Variants in MLYCD observed in about 807,000 individuals in gnomAD.
MLYCD encodes the protein malonyl-CoA decarboxylase, mitochondrial.
MLYCD carries 27 observed loss-of-function variants against 35.8 expected under a neutral mutation model. That is an observed-to-expected ratio of 0.75 (90% CI 0.56 to 1.04). The LOEUF (loss-of-function observed/expected upper bound fraction) is 1.04, where lower values mean the gene tolerates loss of function less well. MLYCD is among the 50% of genes least tolerant of loss of function. The pLI is 0.00. For synonymous variants in MLYCD, 403 were observed against 302.4 expected (o/e 1.33, Z -3.45); for missense variants, 917 against 665.1 (o/e 1.38, Z -4.17).
rs572241436 is a variant in MLYCD at position 83,909,510 on chromosome 16, T to C, written c.798+1228T>C. On this transcript the variant is annotated intron_variant, in intron 3 of 4. Transcript: ENST00000262430. ...GTAGCATGGGTATGGTGTGGTCTTATGAATAATATTAATAATATCTGTTGA... is the reference window on the plus strand; with the variant it reads ...GTAGCATGGGTATGGTGTGGTCTTACGAATAATATTAATAATATCTGTTGA... 6.6e-4 allele frequency among the ~76,000 whole-genome samples: 101 copies of C among 152,306 alleles called. 1 individual carries two copies. Among genetic ancestry groups the C allele is most frequent in the African/African-American group, 1.3e-3 (54 of 41,556 alleles).
At chr16:83,909,616 T>G (rs202214092) in intron 3 of MLYCD, among the ~76,000 whole-genome samples, 10,870 of 149,240 alleles carry the variant, frequency 0.073, 486 homozygotes, top group East Asian at 0.11. Flanking sequence ...GGTGGTGGTG[T>G]TGTGTTTTTT....
chr16:83,901,356 C>T (rs975217487), intron 1 of MLYCD, among the ~76,000 whole-genome samples: 2 of 152,210 alleles, frequency 1.3e-5, no homozygotes, highest in African/African-American at 2.4e-5. Context: ...AAATTTCTTG[C>T]ATAGCAGAAT....
chr16:83,912,489 G>T, intron 4 of MLYCD, 122 bp downstream of exon 4: 1 of 1,389,468 alleles, frequency 7.2e-7, no homozygotes, highest in Non-Finnish European at 1.0e-6. Context: ...GGGAGGGGCA[G>T]GGGGTAGAAA....
chr16:83,906,792 C>G (rs772498746), intron 1 of MLYCD, among the ~76,000 whole-genome samples, 195 bp from the exon 2 acceptor site: 1 of 152,138 alleles, frequency 6.6e-6, no homozygotes, highest in African/African-American at 2.4e-5. Context: ...GAGCGTTGAA[C>G]GAAAGAAAGC....
intron 1 of MLYCD, among the ~76,000 whole-genome samples, chr16:83,905,576 C>T (rs79977075): frequency 2.0e-5 from 3 of 152,292 alleles, no homozygotes; most frequent in South Asian, 2.1e-4. Context: ...CGTCGTGGCC[C>T]AGGATGGCTG....
rs1017085999 is a variant in MLYCD, at chr16:83,924,468, A to G, written c.*8979A>G. ...CCGTGCGTCTGTGACAGAGGCTTGA[A>G]CCCCCGGCTTGTTCTCTCACGTCTG... On this transcript the variant is annotated 3_prime_UTR_variant, in exon 5 of 5. Transcript: ENST00000262430. 1 of 150,220 alleles carries G rather than the reference A, an allele frequency of 6.7e-6. No homozygotes were observed. Among genetic ancestry groups the G allele is most frequent in the African/African-American group, 2.5e-5 (1 of 40,678 alleles). The allele number at this position is 150,220 out of a possible 1,614,324, so 9.3% of individuals were successfully genotyped here.
Position 83,899,740 on chromosome 16 carries a change from C to T in MLYCD, c.528+68C>T, listed in dbSNP as rs976352377. On this transcript the variant is annotated intron_variant, in intron 1 of 4. Transcript: ENST00000262430. The stretch of plus-strand genomic sequence containing the variant: ...CCCTCCTCGAGTAGTCCTCACTTGC[C>T]CCCTCCAAGTCCCACACACCCCGCC... The T allele has an allele frequency of 2.9e-5, 41 of 1,438,356 alleles. No homozygotes were observed. In the African/African-American group the frequency reaches 3.7e-4, roughly 13 times the overall value. The allele number at this position is 1,438,356 out of a possible 1,614,324, so 89.1% of individuals were successfully genotyped here.
rs1030300072 is a variant in MLYCD, at chr16:83,899,754, A to G, written c.528+82A>G. 3.6e-6 allele frequency: 5 copies of G among 1,398,504 alleles called. No homozygotes were observed. The African/African-American group carries it at 4.5e-5, about 13-fold the overall frequency. 86.6% of individuals were successfully genotyped at this position (1,398,504 alleles called of 1,614,324 possible). On this transcript the variant is annotated intron_variant, in intron 1 of 4. Transcript: ENST00000262430. ...TCCTCACTTGCCCCCTCCAAGTCCCACACACCCCGCCTTCCCTGCCCGATA... is the reference window on the plus strand; with the variant it reads ...TCCTCACTTGCCCCCTCCAAGTCCCGCACACCCCGCCTTCCCTGCCCGATA...
rs1410233207 is a variant in MLYCD, at chr16:83,919,189, C to G, written c.*3700C>G. ...AATACACACGGTGCACAGGAGAATT[C>G]ACACACAATGCACAGGAGAACACAG... On this transcript the variant is annotated 3_prime_UTR_variant, in exon 5 of 5. Transcript: ENST00000262430. The G allele has an allele frequency of 7.0e-6, 1 of 141,944 alleles. No homozygotes were observed. Among genetic ancestry groups the G allele is most frequent in the Non-Finnish European group, 1.5e-5 (1 of 66,026 alleles). The allele number at this position is 141,944 out of a possible 1,614,324, so 8.8% of individuals were successfully genotyped here. A position where few individuals can be genotyped will look rare whatever the true frequency, so the allele number is the denominator to read the frequency against.
In MLYCD at chr16:83,900,612, G is replaced by A. The variant is rs566525565; in HGVS notation, c.528+940G>A. ...TTTTTTTTTTTTTTTTTTTTGTAGA[G>A]AGGGCGTTTCACCATGTGGCCCAGG... On this transcript the variant is annotated intron_variant, in intron 1 of 4. Transcript: ENST00000262430. 9.4e-4 allele frequency among the ~76,000 whole-genome samples: 125 copies of A among 133,114 alleles called. 1 individual carries two copies. The highest frequency in any genetic ancestry group is 3.4e-3 in the African/African-American group (121 of 35,164). 87.3% of individuals were successfully genotyped at this position (133,114 alleles called of 152,430 possible). A position where few individuals can be genotyped will look rare whatever the true frequency, so the allele number is the denominator to read the frequency against.
At position 83,921,545 on chromosome 16, in the gene MLYCD, T is replaced by C. The variant is rs1460074513; in HGVS notation, c.*6056T>C. On this transcript the variant is annotated 3_prime_UTR_variant, in exon 5 of 5. Coordinates refer to ENST00000262430, the MANE Select transcript of MLYCD (RefSeq NM_012213.3). ...GAATTGATGGCGGAGGATGTTAGGA[T>C]GGGTGGATGGATGTATTAACATCCC... 6.6e-6 allele frequency: 1 copy of C among 152,174 alleles called. No individual in the cohort carries two copies. Among genetic ancestry groups the C allele is most frequent in the Non-Finnish European group, 1.5e-5 (1 of 68,074 alleles). The allele number at this position is 152,174 out of a possible 1,614,324, so 9.4% of individuals were successfully genotyped here.
Position 83,899,216 on chromosome 16 carries a change from G to A in MLYCD, c.72G>A (p.Gly24=), listed in dbSNP as rs1252664494. ...TGCGGTTGCCCCCGCGGCCGCCCGG[G>A]CCCCGGCTGGCGAGCGGGCAGGCGG... is the stretch of plus-strand genomic sequence containing the variant. ...LPLRLPPRPP[G]PRLASGQAAG... is the part of the protein sequence containing the mutation. The change falls in exon 1 of 5, where the codon GGG becomes GGA. Residue 24 remains glycine, a synonymous_variant. Coordinates refer to ENST00000262430, the MANE Select transcript of MLYCD (RefSeq NM_012213.3). The A allele has an allele frequency of 5.8e-6, 7 of 1,215,318 alleles. No homozygotes were observed. The East Asian group carries it at 1.5e-4, about 26-fold the overall frequency. The allele number at this position is 1,215,318 out of a possible 1,614,324, so 75.3% of individuals were successfully genotyped here. A position where few individuals can be genotyped will look rare whatever the true frequency, so the allele number is the denominator to read the frequency against.
rs1298499097 is a variant in MLYCD at position 83,910,923 on chromosome 16, A to T, written c.799-1295A>T. 2.0e-5 allele frequency among the ~76,000 whole-genome samples: 3 copies of T among 152,146 alleles called. No individual in the cohort carries two copies. In the East Asian group the frequency reaches 5.8e-4, roughly 29 times the overall value. On this transcript the variant is annotated intron_variant, in intron 3 of 4. Transcript: ENST00000262430. ...GAATCTGGAGGGAAAAATGCTGAGGATGTTTTCCTCAGGGCAGATATGCAT... is the reference window on the plus strand; with the variant it reads ...GAATCTGGAGGGAAAAATGCTGAGGTTGTTTTCCTCAGGGCAGATATGCAT...
At chr16:83,912,533 C>G in intron 4 of MLYCD, 166 bp downstream of exon 4, 1 of 840,856 alleles carries the variant, frequency 1.2e-6, no homozygotes, top group Non-Finnish European at 1.9e-6. Context: ...CTCCTAGGAG[C>G]CATGAGTCTC....
At chr16:83,900,797 T>G (rs1041797777) in intron 1 of MLYCD, among the ~76,000 whole-genome samples, 1 of 152,214 alleles carries the variant, frequency 6.6e-6, no homozygotes, top group African/African-American at 2.4e-5. Flanking sequence ...TTTAATAGTT[T>G]ACATTCCTTC....
At position 83,918,787 on chromosome 16, in the gene MLYCD, A is replaced by G. The variant is rs1363862623; in HGVS notation, c.*3298A>G. The G allele has an allele frequency of 6.7e-6, 1 of 149,718 alleles. No homozygotes were observed. The highest frequency in any genetic ancestry group is 2.5e-5 in the African/African-American group (1 of 40,246). 9.3% of individuals were successfully genotyped at this position (149,718 alleles called of 1,614,324 possible). A position where few individuals can be genotyped will look rare whatever the true frequency, so the allele number is the denominator to read the frequency against. ...CAGTGCACAGAGAACCACACAGTGCACAGGAGAATACGCACACACAGTGCA... is the reference window on the plus strand; with the variant it reads ...CAGTGCACAGAGAACCACACAGTGCGCAGGAGAATACGCACACACAGTGCA... On this transcript the variant is annotated 3_prime_UTR_variant, in exon 5 of 5. Transcript: ENST00000262430.
At chr16:83,901,130 C>G (rs1906770067) in intron 1 of MLYCD, among the ~76,000 whole-genome samples, 1 of 152,198 alleles carries the variant, frequency 6.6e-6, no homozygotes, top group South Asian at 2.1e-4. Flanking sequence ...GGCCAGGCAT[C>G]TTTGGCCGTA....
Position 83,907,074 on chromosome 16 carries a change from T to C in MLYCD, c.616T>C (p.Cys206Arg), listed in dbSNP as rs1907005101. Residue 206 changes from cysteine to arginine, a missense_variant, in exon 2 of 5, where the codon TGT (cysteine) becomes CGT (arginine). Cys to Arg is a radical substitution (Grantham distance 180). Coordinates refer to ENST00000262430, the MANE Select transcript of MLYCD (RefSeq NM_012213.3). ...NLERVTWHSP[C>R]EVLQKISEAE... ...AGAACGGGTTACCTGGCATTCACCGTGTGAAGTGCTTCAGAAAATCAGTGA... is the reference window on the plus strand; with the variant it reads ...AGAACGGGTTACCTGGCATTCACCGCGTGAAGTGCTTCAGAAAATCAGTGA... 3.1e-6 allele frequency: 5 copies of C among 1,614,100 alleles called. No homozygotes were observed. Among genetic ancestry groups the C allele is most frequent in the Non-Finnish European group, 4.2e-6 (5 of 1,179,924 alleles).
rs959999186 is a variant in MLYCD, at chr16:83,917,224, T to G, written c.*1735T>G. On this transcript the variant is annotated 3_prime_UTR_variant, in exon 5 of 5. Transcript: ENST00000262430. ...CTGTGTGTGCACGAGCGTCTCTGTG[T>G]GGATCAGTGCACGTCTGTGTGCGTG... The G allele has an allele frequency of 9.8e-5, 14 of 142,610 alleles. No homozygotes were observed. Among genetic ancestry groups the G allele is most frequent in the Non-Finnish European group, 4.4e-5 (3 of 67,856 alleles). The allele number at this position is 142,610 out of a possible 1,614,324, so 8.8% of individuals were successfully genotyped here.
Sources: gnomAD v4.1 joint callset for allele counts (sites outside exome capture counted in the v4.1 genomes callset) on GRCh38, gnomAD v4.1.1 for gene constraint, MANE v1.5 for transcripts, NCBI Gene and HGNC (gene_info 2026-07-23, HGNC 2026-07-21) for gene names.